PTCD1: variants seen among roughly 807,000 people sequenced by gnomAD.
PTCD1 encodes the protein pentatricopeptide repeat domain 1, also known as pentatricopeptide repeat-containing protein 1, mitochondrial.
A neutral mutation model predicts 53.4 loss-of-function variants in PTCD1; 50 were observed. That is an observed-to-expected ratio of 0.94 (90% CI 0.75 to 1.19). The LOEUF (loss-of-function observed/expected upper bound fraction) is 1.19. Ranked by LOEUF, PTCD1 falls within the 50% of genes most tolerant of loss-of-function variation. PTCD1 has a pLI of 0.00. For synonymous variants in PTCD1, 413 were observed against 394.8 expected, an observed-to-expected ratio of 1.05 and a Z score of -0.55; for missense variants, 918 against 904.8, an observed-to-expected ratio of 1.01 and a Z score of -0.19.
At chr7:99,437,371 C>T (rs1796521458) in intron 1 of PTCD1, among the ~76,000 whole-genome samples, 2 of 151,588 alleles carry the variant, frequency 1.3e-5, no homozygotes, top group South Asian at 4.1e-4. Flanking sequence ...CAGGCGTGAC[C>T]TCGGCTCACT....
At chr7:99,436,608 C>T (rs564408080) in intron 1 of PTCD1, among the ~76,000 whole-genome samples, 1 of 152,148 alleles carries the variant, frequency 6.6e-6, no homozygotes, top group East Asian at 1.9e-4. Context: ...GAGCAAGACT[C>T]CATCTCAAAA....
At chr7:99,431,840 A>G (rs1796265043) in intron 3 of PTCD1, among the ~76,000 whole-genome samples, 1 of 152,236 alleles carries the variant, frequency 6.6e-6, no homozygotes, top group Non-Finnish European at 1.5e-5. Context: ...GTTCTGTACT[A>G]AGAGAAATTC....
intron 5 of PTCD1, among the ~76,000 whole-genome samples, chr7:99,425,994 G>T (rs1795999469): frequency 6.6e-6 from 1 of 152,198 alleles, no homozygotes; most frequent in Non-Finnish European, 1.5e-5. Flanking sequence ...TGAACCCAGA[G>T]ATCGAGGTTG....
rs184863599 is a variant in PTCD1 at position 99,429,003 on chromosome 7, A to C, written c.915+100T>G. The C allele has an allele frequency of 5.0e-6, 7 of 1,386,160 alleles. No homozygotes were observed. The Admixed American group carries it at 1.0e-4, about 20-fold the overall frequency. 85.9% of individuals were successfully genotyped at this position (1,386,160 alleles called of 1,614,324 possible). The stretch of plus-strand genomic sequence containing the variant: ...TTTCAGAAAAGAGCACAGATATAAA[A>C]ATACTCAGCACAGGGCCATCGTGGG... On this transcript the variant is annotated intron_variant, in intron 5 of 7. Coordinates refer to ENST00000292478, the MANE Select transcript of PTCD1 (RefSeq NM_015545.4).
chr7:99,437,395 C>T (rs776708486), intron 1 of PTCD1, among the ~76,000 whole-genome samples: 51 of 151,836 alleles, frequency 3.4e-4, no homozygotes, highest in Non-Finnish European at 6.9e-4. Flanking sequence ...ATTTCCGCCT[C>T]CCGGATTCAA....
Position 99,417,827 on chromosome 7 carries a change from T to A in PTCD1, c.*2140A>T, listed in dbSNP as rs1795590569. The A allele has an allele frequency of 6.7e-7, 1 of 1,481,746 alleles. No homozygotes were observed. The highest frequency in any genetic ancestry group is 2.6e-5 in the East Asian group (1 of 39,044). The allele number at this position is 1,481,746 out of a possible 1,614,324, so 91.8% of individuals were successfully genotyped here. A position where few individuals can be genotyped will look rare whatever the true frequency, so the allele number is the denominator to read the frequency against. The stretch of plus-strand genomic sequence containing the variant: ...ATCTCAACTCCACTTTTGGGCAAAT[T>A]ACTGAACCCCTTTCCTCACTTAGGA... On this transcript the variant is annotated 3_prime_UTR_variant, in exon 8 of 8. Coordinates refer to ENST00000292478, the MANE Select transcript of PTCD1 (RefSeq NM_015545.4).
intron 6 of PTCD1, among the ~76,000 whole-genome samples, chr7:99,424,389 T>C (rs1476521198): frequency 1.3e-5 from 2 of 152,132 alleles, no homozygotes; most frequent in Non-Finnish European, 1.5e-5. Flanking sequence ...GCCTCTGCTG[T>C]GGTCGGATGA....
In PTCD1 at chr7:99,434,832, G is replaced by A. The variant is rs761002407; in HGVS notation, c.411C>T (p.Tyr137=). 5 of 1,614,192 alleles carry A rather than the reference G, an allele frequency of 3.1e-6. No homozygotes were observed. Among genetic ancestry groups the A allele is most frequent in the Non-Finnish European group, 4.2e-6 (5 of 1,180,034 alleles). ...KLWRGRRNTP[Y]WYFLQCKHLI... ...GGTGTTTGCACTGCAAGAAGTACCA[G>A]TACGGGGTGTTTCTCCGGCCTCGCC... Residue 137 remains tyrosine, a synonymous_variant, in exon 2 of 8, where the codon TAC becomes TAT. Transcript: ENST00000292478.
intron 3 of PTCD1, chr7:99,433,057 A>C: frequency 3.1e-6 from 2 of 646,608 alleles, no homozygotes; most frequent in African/African-American, 1.8e-5. Flanking sequence ...TTTGAAGGGA[A>C]AAGAAAGGGA....
At chr7:99,438,666 C>G (rs750800143) in intron 1 of PTCD1, 26 bp downstream of exon 1, 1 of 1,249,152 alleles carries the variant, frequency 8.0e-7, no homozygotes, top group South Asian at 1.3e-5. Context: ...TCCCGGGGCT[C>G]CTGCGAGGAT....
intron 7 of PTCD1, 139 bp downstream of exon 7, chr7:99,423,636 G>C: frequency 7.4e-7 from 1 of 1,354,624 alleles, no homozygotes; most frequent in Admixed American, 1.8e-5. Context: ...ACAGACTTGG[G>C]TACTGCTCCT....
intron 3 of PTCD1, among the ~76,000 whole-genome samples, chr7:99,432,393 CG>C (rs1796293437): frequency 6.6e-6 from 1 of 152,182 alleles, no homozygotes; most frequent in Non-Finnish European, 1.5e-5. Context: ...CTTTGATGCA[CG>C]AGATGTTGTG....
At position 99,420,105 on chromosome 7, in the gene PTCD1, T is replaced by C. The variant is rs750440255; in HGVS notation, c.1965A>G (p.Arg655=). Residue 655 remains arginine (R), a synonymous_variant, in exon 8 of 8, where the codon CGA becomes CGG. Coordinates refer to ENST00000292478, the MANE Select transcript of PTCD1 (RefSeq NM_015545.4). ...NTYLEKIDGF[R]AYYKQWLTVM... ...CTGTCAGCCACTGCTTGTAATAGGC[T>C]CGGAAGCCGTCAATCTTCTCCAGGT... 17 of 1,614,174 alleles carry C rather than the reference T, an allele frequency of 1.1e-5. No individual in the cohort carries two copies. The Admixed American group carries it at 2.8e-4, about 27-fold the overall frequency.
At position 99,419,567 on chromosome 7, in the gene PTCD1, C is replaced by T. The variant is rs537677275; in HGVS notation, c.*400G>A. The T allele has an allele frequency of 9.0e-4, 948 of 1,052,254 alleles. No homozygotes were observed. Among genetic ancestry groups the T allele is most frequent in the Non-Finnish European group, 1.2e-3 (860 of 700,200 alleles). 65.2% of individuals were successfully genotyped at this position (1,052,254 alleles called of 1,614,324 possible). A position where few individuals can be genotyped will look rare whatever the true frequency, so the allele number is the denominator to read the frequency against. On this transcript the variant is annotated 3_prime_UTR_variant, in exon 8 of 8. Transcript: ENST00000292478. ...AGCACGGTCTCTATGGGGAAGGCTT[C>T]GCTGTCTATCAGCTGTGATTTGTAA... is the stretch of plus-strand genomic sequence containing the variant.
At position 99,417,547 on chromosome 7, in the gene PTCD1, C is replaced by CT; in HGVS notation, c.*2419dup. 6.2e-7 allele frequency: 1 copy of CT among 1,612,146 alleles called. No homozygotes were observed. The highest frequency in any genetic ancestry group is 8.5e-7 in the Non-Finnish European group (1 of 1,178,644). ...GGTGCATTCAGACACGGGACACCAA[C>CT]TTCGGGACGAACTGCATCTGCCGCG... On this transcript the variant is annotated 3_prime_UTR_variant, in exon 8 of 8. Transcript: ENST00000292478.
intron 2 of PTCD1, among the ~76,000 whole-genome samples, chr7:99,434,577 T>G (rs1417603476): frequency 6.8e-6 from 1 of 147,348 alleles, no homozygotes; most frequent in East Asian, 2.0e-4. Flanking sequence ...ATCAGCTCAG[T>G]GCAACCTCCG....
At chr7:99,420,957 A>G (rs975541322) in intron 7 of PTCD1, among the ~76,000 whole-genome samples, 6 of 152,010 alleles carry the variant, frequency 3.9e-5, no homozygotes, top group Non-Finnish European at 8.8e-5. Context: ...AAAAAAAAAC[A>G]AAAACAAAAA....
chr7:99,426,996 G>A (rs1382689140), intron 5 of PTCD1, among the ~76,000 whole-genome samples: 1 of 151,922 alleles, frequency 6.6e-6, no homozygotes, highest in Non-Finnish European at 1.5e-5. Flanking sequence ...CCCCGTCTGA[G>A]AAGTGAGGAG....
chr7:99,418,605 G>C lies in PTCD1; in HGVS notation c.*1362C>G, dbSNP rs1419614261. 6.6e-6 allele frequency: 1 copy of C among 152,616 alleles called. No homozygotes were observed. The highest frequency in any genetic ancestry group is 2.4e-5 in the African/African-American group (1 of 41,464). 9.5% of individuals were successfully genotyped at this position (152,616 alleles called of 1,614,324 possible). On this transcript the variant is annotated 3_prime_UTR_variant, in exon 8 of 8. Coordinates refer to ENST00000292478, the MANE Select transcript of PTCD1 (RefSeq NM_015545.4). ...GTACTGAGCAGTGGGGGCGAGCAAG[G>C]GCCGCCTCCCCGACGGAAGACTGGG...
Sources: allele counts gnomAD v4.1 joint callset (sites outside exome capture counted in the v4.1 genomes callset), GRCh38; gene constraint gnomAD v4.1.1; transcripts MANE v1.5; gene names NCBI Gene and HGNC (gene_info 2026-07-23, HGNC 2026-07-21).